UBXN7: variants seen among roughly 807,000 people sequenced by gnomAD.
UBXN7 encodes the protein UBX domain-containing protein 7.
In UBXN7, 9 loss-of-function variants were observed where a neutral mutation model predicts 58.0. The observed-to-expected ratio is 0.16, with a 90% confidence interval of 0.09 to 0.27. The LOEUF is 0.27. Ranked by LOEUF, UBXN7 falls within the 10% of genes least tolerant of loss-of-function variation. The pLI is 1.00. For synonymous variants in UBXN7, 208 were observed against 205.0 expected, an observed-to-expected ratio of 1.01 and a Z score of -0.12; for missense variants, 328 against 599.6, an observed-to-expected ratio of 0.55 and a Z score of 4.73.
rs1025192777 is a variant in UBXN7 at position 196,349,520 on chromosome 3, T to C, written c.*7165A>G. The C allele has an allele frequency of 2.0e-5, 3 of 152,222 alleles. No homozygotes were observed. Among genetic ancestry groups the C allele is most frequent in the Non-Finnish European group, 4.4e-5 (3 of 68,050 alleles). The allele number at this position is 152,222 out of a possible 1,614,324, so 9.4% of individuals were successfully genotyped here. Reference sequence around the variant, plus strand: ...ATGCAAAGCTTTGAGAAAAGCATACTGTAAAATCATGTTGCTGCAAACAGC... The same window carrying C: ...ATGCAAAGCTTTGAGAAAAGCATACCGTAAAATCATGTTGCTGCAAACAGC... On this transcript the variant is annotated 3_prime_UTR_variant, in exon 11 of 11. Coordinates refer to ENST00000296328, the MANE Select transcript of UBXN7 (RefSeq NM_015562.2).
chr3:196,358,700 C>T (rs1728419471), intron 10 of UBXN7, among the ~76,000 whole-genome samples: 1 of 152,146 alleles, frequency 6.6e-6, no homozygotes, highest in Admixed American at 6.5e-5. Flanking sequence ...GAGATTGGGC[C>T]ACTGCACTCC....
At chr3:196,368,979 T>C (rs1413122317) in intron 7 of UBXN7, among the ~76,000 whole-genome samples, 4 of 152,044 alleles carry the variant, frequency 2.6e-5, no homozygotes, top group African/African-American at 7.2e-5. Flanking sequence ...CCCGCCACCA[T>C]GCCCGGCTAA....
rs781014592 is a variant in UBXN7, at chr3:196,432,391, G to A, written c.9C>T (p.Ala3=). Residue 3 remains alanine (A), a synonymous_variant, in exon 1 of 11, where the codon GCC becomes GCT. Transcript: ENST00000296328. ...CCGAGGACGCCGCGGAGCCCCCGTG[G>A]GCAGCCATCTTACCGCCGCCGCCGC... MA[A]HGGSAASSAL... 101 of 1,593,572 alleles carry A rather than the reference G, an allele frequency of 6.3e-5. No homozygotes were observed. Among genetic ancestry groups the A allele is most frequent in the Non-Finnish European group, 7.7e-5 (90 of 1,166,414 alleles).
At chr3:196,368,901 C>A (rs1450102111) in intron 7 of UBXN7, among the ~76,000 whole-genome samples, 1 of 152,172 alleles carries the variant, frequency 6.6e-6, no homozygotes, top group African/African-American at 2.4e-5. Flanking sequence ...CGGCTCACTG[C>A]AACCTCCACC....
At chr3:196,382,290 T>A (rs1398833672) in intron 5 of UBXN7, among the ~76,000 whole-genome samples, 4 of 152,230 alleles carry the variant, frequency 2.6e-5, no homozygotes, top group South Asian at 4.1e-4. Flanking sequence ...ACAGCAGATA[T>A]CTCTGCAGAA....
At chr3:196,387,987 T>C (rs1729462599) in intron 5 of UBXN7, among the ~76,000 whole-genome samples, 1 of 152,052 alleles carries the variant, frequency 6.6e-6, no homozygotes, top group South Asian at 2.1e-4. Flanking sequence ...TAAAGACACA[T>C]GCACACGTAT....
chr3:196,362,753 A>T (rs112172532), intron 8 of UBXN7, 66 bp from the exon 9 acceptor site: 1 of 1,509,220 alleles, frequency 6.6e-7, no homozygotes, highest in Non-Finnish European at 8.9e-7. Flanking sequence ...GTCAAACGGC[A>T]TAAGAAATAT....
intron 1 of UBXN7, among the ~76,000 whole-genome samples, chr3:196,412,098 A>G (rs1730346266): frequency 6.6e-6 from 1 of 151,454 alleles, no homozygotes; most frequent in South Asian, 2.1e-4. Context: ...GCGTGGTGGC[A>G]GGTGCCTAAT....
chr3:196,393,987 T>C (rs1729664795), intron 3 of UBXN7, among the ~76,000 whole-genome samples: 2 of 152,166 alleles, frequency 1.3e-5, no homozygotes, highest in South Asian at 2.1e-4. Flanking sequence ...TAATCAAACT[T>C]GTGTAAAAAG....
chr3:196,424,703 CTTTTT>C (rs36110858), intron 1 of UBXN7, among the ~76,000 whole-genome samples: 1 of 105,252 alleles, frequency 9.5e-6, no homozygotes, highest in Non-Finnish European at 1.9e-5. Flanking sequence ...TTTTTATAAC[CTTTTT>C]TTTTTTTTTT....
intron 2 of UBXN7, among the ~76,000 whole-genome samples, chr3:196,406,600 T>C (rs1730169481): frequency 1.3e-5 from 2 of 151,730 alleles, no homozygotes; most frequent in Non-Finnish European, 2.9e-5. Flanking sequence ...CCACCACGCC[T>C]GGCTAATTTT....
chr3:196,431,968 A>AAGGAGG (rs1023401914), intron 1 of UBXN7: 1 of 449,308 alleles, frequency 2.2e-6, no homozygotes, highest in South Asian at 2.0e-5. Context: ...GAAGATGATG[A>AAGGAGG]AGGAGGAGGA....
chr3:196,415,005 C>A (rs1447547277), intron 1 of UBXN7, among the ~76,000 whole-genome samples: 1 of 152,154 alleles, frequency 6.6e-6, no homozygotes, highest in Non-Finnish European at 1.5e-5. Context: ...AATACAAATT[C>A]TTGGGGCAAA....
Position 196,391,888 on chromosome 3 carries a change from G to A in UBXN7, c.393C>T (p.Ile131=), listed in dbSNP as rs566953894. The change falls in exon 5 of 11, where the codon ATC becomes ATT. Residue 131 remains isoleucine, a synonymous_variant. Coordinates refer to ENST00000296328, the MANE Select transcript of UBXN7 (RefSeq NM_015562.2). Reference sequence around the variant, plus strand: ...CTGCAAGGGTAGTTAATTTCTTATCGATAGCTCCTCCATTTCTTAATTCTT... The same window carrying A: ...CTGCAAGGGTAGTTAATTTCTTATCAATAGCTCCTCCATTTCTTAATTCTT... ...QEQELRNGGA[I]DKKLTTLADL... is the part of the protein sequence containing the mutation. 1.7e-5 allele frequency: 28 copies of A among 1,601,806 alleles called. No individual in the cohort carries two copies. The East Asian group carries it at 2.5e-4, about 14-fold the overall frequency.
chr3:196,371,094 T>A (rs965511253), intron 6 of UBXN7, among the ~76,000 whole-genome samples: 2 of 152,160 alleles, frequency 1.3e-5, no homozygotes, highest in African/African-American at 4.8e-5. Flanking sequence ...GTGACATGTC[T>A]AAGAACACAG....
chr3:196,391,732 TA>T, intron 5 of UBXN7, 80 bp downstream of exon 5: 1 of 1,097,708 alleles, frequency 9.1e-7, no homozygotes, highest in Non-Finnish European at 1.3e-6. Context: ...AGACCTGCTC[TA>T]AAACAAGTAA....
intron 1 of UBXN7, among the ~76,000 whole-genome samples, chr3:196,422,001 C>A (rs1730704514): frequency 6.6e-6 from 1 of 152,008 alleles, no homozygotes; most frequent in Non-Finnish European, 1.5e-5. Flanking sequence ...GAGTTCAAGA[C>A]CAGACTGGCC....
intron 5 of UBXN7, among the ~76,000 whole-genome samples, chr3:196,372,871 G>A (rs759500397): frequency 4.6e-5 from 7 of 151,518 alleles, no homozygotes; most frequent in South Asian, 2.1e-4. Flanking sequence ...TTAGCCTACC[G>A]AGTAGCTGGG....
rs761397297 is a variant in UBXN7 at position 196,391,879 on chromosome 3, T to C, written c.402A>G (p.Lys134=). 5 of 1,613,054 alleles carry C rather than the reference T, an allele frequency of 3.1e-6. No homozygotes were observed. In the East Asian group the frequency reaches 1.1e-4, roughly 36 times the overall value. The part of the protein sequence containing the change: ...ELRNGGAIDK[K]LTTLADLFRP... The stretch of plus-strand genomic sequence containing the variant: ...GGAATAGATCTGCAAGGGTAGTTAA[T>C]TTCTTATCGATAGCTCCTCCATTTC... The change falls in exon 5 of 11, where the codon AAA becomes AAG. Residue 134 remains lysine (K), a synonymous_variant. Transcript: ENST00000296328.
Sources: allele counts gnomAD v4.1 joint callset (sites outside exome capture counted in the v4.1 genomes callset), GRCh38; gene constraint gnomAD v4.1.1; transcripts MANE v1.5; gene names NCBI Gene and HGNC (gene_info 2026-07-23, HGNC 2026-07-21).